The following MYT1L variants were observed in gnomAD, a reference collection of about 807,000 sequenced individuals.
MYT1L encodes myelin transcription factor 1-like protein.
Under a neutral mutation model 126.7 loss-of-function variants are expected in MYT1L, and 12 were observed. That is an observed-to-expected ratio of 0.09 (90% CI 0.06 to 0.15). The LOEUF (loss-of-function observed/expected upper bound fraction) is 0.15. MYT1L is among the 10% of genes least tolerant of loss of function. MYT1L has a pLI of 1.00. For synonymous variants in MYT1L, 541 were observed against 604.2 expected (o/e 0.90, Z 1.53); for missense variants, 979 against 1,585.2 (o/e 0.62, Z 6.49).
chr2:1,815,718 C>T (rs1411375789), intron 21 of MYT1L, among the ~76,000 whole-genome samples: 1 of 152,264 alleles, frequency 6.6e-6, no homozygotes, highest in Non-Finnish European at 1.5e-5. Context: ...AACTCCCGGC[C>T]TCTCCGCACC....
chr2:2,007,814 C>T (rs113487174), intron 4 of MYT1L, among the ~76,000 whole-genome samples: 2,523 of 152,240 alleles, frequency 0.017, 59 homozygotes, highest in African/African-American at 0.054. Flanking sequence ...TACCCTCAAG[C>T]TGCCAAACTA....
intron 18 of MYT1L, among the ~76,000 whole-genome samples, chr2:1,878,538 AC>A (rs2047195990): frequency 6.6e-6 from 1 of 152,146 alleles, no homozygotes; most frequent in African/African-American, 2.4e-5. Flanking sequence ...TCTCTTGGGC[AC>A]TGTCCAGTGT....
chr2:1,813,177 G>A (rs1463860384), intron 21 of MYT1L, among the ~76,000 whole-genome samples: 1 of 152,210 alleles, frequency 6.6e-6, no homozygotes, highest in African/African-American at 2.4e-5. Flanking sequence ...GGAGCTGCAG[G>A]TGGGGGGGAG....
At chr2:2,223,012 C>A (rs1025160356) in intron 2 of MYT1L, among the ~76,000 whole-genome samples, 3 of 152,104 alleles carry the variant, frequency 2.0e-5, no homozygotes, top group Admixed American at 6.5e-5. Context: ...CATATAATAA[C>A]AAGCACTGTT....
At chr2:1,894,386 C>G (rs75273633) in intron 14 of MYT1L, among the ~76,000 whole-genome samples, 1 of 152,186 alleles carries the variant, frequency 6.6e-6, no homozygotes, top group East Asian at 1.9e-4. Flanking sequence ...GGCACCCCCA[C>G]GGGCCCTGTG....
chr2:2,101,289 C>A (rs543159662), intron 3 of MYT1L, among the ~76,000 whole-genome samples: 1 of 152,060 alleles, frequency 6.6e-6, no homozygotes. Flanking sequence ...AGGCATGAAA[C>A]CTTCAGCATC....
intron 1 of MYT1L, among the ~76,000 whole-genome samples, chr2:2,301,420 T>G (rs1337874262): frequency 1.3e-5 from 2 of 152,222 alleles, no homozygotes; most frequent in African/African-American, 4.8e-5. Context: ...TCAACTCACC[T>G]TTTTCAGCCT....
intron 3 of MYT1L, among the ~76,000 whole-genome samples, chr2:2,073,900 T>C (rs1182985419): frequency 6.6e-6 from 1 of 152,172 alleles, no homozygotes; most frequent in Non-Finnish European, 1.5e-5. Context: ...CAGCTCTTGC[T>C]TTTCTCCACC....
chr2:2,305,089 T>C (rs1402378167), intron 1 of MYT1L, among the ~76,000 whole-genome samples: 2 of 152,262 alleles, frequency 1.3e-5, no homozygotes, highest in African/African-American at 4.8e-5. Flanking sequence ...TTTTTAAGTT[T>C]ATTTTTTTGA....
chr2:2,048,705 C>T (rs975434630), intron 4 of MYT1L, among the ~76,000 whole-genome samples: 1 of 152,178 alleles, frequency 6.6e-6, no homozygotes, highest in African/African-American at 2.4e-5. Context: ...AGATCTGAAT[C>T]CCCCTAAGCG....
intron 2 of MYT1L, among the ~76,000 whole-genome samples, chr2:2,179,799 T>C (rs2091218947): frequency 6.6e-6 from 1 of 152,228 alleles, no homozygotes; most frequent in Admixed American, 6.5e-5. Flanking sequence ...TAAGCTGCTT[T>C]GTCCTCTCCA....
At chr2:1,991,546 T>A (rs760349780) in intron 5 of MYT1L, among the ~76,000 whole-genome samples, 3 of 152,158 alleles carry the variant, frequency 2.0e-5, no homozygotes, top group Non-Finnish European at 4.4e-5. Flanking sequence ...CCAAAAGTTC[T>A]GGAATTTTAG....
chr2:1,817,916 C>T (rs1328842061), intron 21 of MYT1L, among the ~76,000 whole-genome samples: 3 of 152,224 alleles, frequency 2.0e-5, no homozygotes, highest in Non-Finnish European at 4.4e-5. Context: ...GTTTGGAAGT[C>T]ACCAAGTTTC....
intron 3 of MYT1L, among the ~76,000 whole-genome samples, chr2:2,149,497 G>A (rs1343441137): frequency 1.3e-5 from 2 of 152,166 alleles, no homozygotes; most frequent in Non-Finnish European, 2.9e-5. Context: ...TCAACTCTGA[G>A]CTCAACCTCA....
chr2:2,271,771 A>C (rs575109274), intron 2 of MYT1L, among the ~76,000 whole-genome samples: 94 of 152,316 alleles, frequency 6.2e-4, no homozygotes, highest in Non-Finnish European at 1.1e-3. Context: ...TCTCACAAAA[A>C]TGCCAGCTCC....
rs1486084705 is a variant in MYT1L, at chr2:2,330,999, GAC to G, written c.-555_-554del. 1 of 152,058 alleles carries G rather than the reference GAC, an allele frequency of 6.6e-6. No homozygotes were observed. Among genetic ancestry groups the G allele is most frequent in the Non-Finnish European group, 1.5e-5 (1 of 68,022 alleles). The allele number at this position is 152,058 out of a possible 1,614,324, so 9.4% of individuals were successfully genotyped here. A position where few individuals can be genotyped will look rare whatever the true frequency, so the allele number is the denominator to read the frequency against. On this transcript the variant is annotated 5_prime_UTR_variant, in exon 1 of 25. Coordinates refer to ENST00000647738, the MANE Select transcript of MYT1L (RefSeq NM_001303052.2). ...TGACCACAACCGCTCACAAGCGAAA[GAC>G]AAGTTCAATTTTGGTAACTGTGCTG...
chr2:1,967,619 C>A (rs1170433094), intron 8 of MYT1L, among the ~76,000 whole-genome samples: 1 of 152,210 alleles, frequency 6.6e-6, no homozygotes, highest in Non-Finnish European at 1.5e-5. Context: ...GCAGGTGCAC[C>A]TTATTCTAAT....
At chr2:1,820,056 G>T (rs2038301467) in intron 21 of MYT1L, among the ~76,000 whole-genome samples, 1 of 151,964 alleles carries the variant, frequency 6.6e-6, no homozygotes. Flanking sequence ...GAGGAAGCTG[G>T]CAGAGGGGCC....
At chr2:1,870,530 G>A (rs1363839265) in intron 18 of MYT1L, among the ~76,000 whole-genome samples, 2 of 152,196 alleles carry the variant, frequency 1.3e-5, no homozygotes, top group Non-Finnish European at 1.5e-5. Context: ...TCAGTGACCA[G>A]GGGTCTCTTT....
Sources: allele counts gnomAD v4.1 joint callset (sites outside exome capture counted in the v4.1 genomes callset), GRCh38; gene constraint gnomAD v4.1.1; transcripts MANE v1.5; gene names NCBI Gene and HGNC (gene_info 2026-07-23, HGNC 2026-07-21).